STON2: variants seen among roughly 807,000 people sequenced by gnomAD.
STON2 encodes stonin 2.
STON2 carries 29 observed loss-of-function variants against 65.7 expected under a neutral mutation model. The observed-to-expected ratio is 0.44, with a 90% CI of 0.33 to 0.60. STON2 has a LOEUF of 0.60. STON2 is among the 20% of genes least tolerant of loss of function. The pLI, the probability that STON2 is intolerant of heterozygous loss-of-function variation, is 0.03. For synonymous variants in STON2, 404 were observed against 414.2 expected (o/e 0.98, Z 0.30); for missense variants, 1,054 against 1,118.1 (o/e 0.94, Z 0.82).
Position 81,278,278 on chromosome 14 carries a change from T to C in STON2, c.1204A>G (p.Ser402Gly), listed in dbSNP as rs745402567. 6.2e-7 allele frequency: 1 copy of C among 1,614,138 alleles called. No homozygotes were observed. The change falls in exon 6 of 8, where the codon AGT becomes GGT. Residue 402 changes from serine to glycine, a missense_variant. Transcript: ENST00000614646. ...FEEQERRSQN[S>G]SISSTTGKSQ... The stretch of plus-strand genomic sequence containing the variant: ...TTGCCCGTGGTACTGGAAATGGAAC[T>C]GTTTTGGGAGCGCCTCTCCTGCTCC...
intron 4 of STON2, among the ~76,000 whole-genome samples, chr14:81,366,146 G>C (rs963786213): frequency 1.3e-5 from 2 of 152,190 alleles, no homozygotes; most frequent in African/African-American, 4.8e-5. Context: ...CGCACCCTGT[G>C]ATTTAACCAA....
At chr14:81,339,270 C>T (rs1897498772) in intron 4 of STON2, among the ~76,000 whole-genome samples, 1 of 152,140 alleles carries the variant, frequency 6.6e-6, no homozygotes, top group Non-Finnish European at 1.5e-5. Flanking sequence ...CAAACTGAGG[C>T]TAGGAAAGGT....
intron 4 of STON2, among the ~76,000 whole-genome samples, chr14:81,347,384 A>G (rs2140306522): frequency 6.6e-6 from 1 of 152,260 alleles, no homozygotes; most frequent in Non-Finnish European, 1.5e-5. Flanking sequence ...AGGAAGAAAT[A>G]GAAAATCTGA....
intron 5 of STON2, among the ~76,000 whole-genome samples, chr14:81,321,019 T>C (rs2140241052): frequency 6.6e-6 from 1 of 152,292 alleles, no homozygotes; most frequent in South Asian, 2.1e-4. Flanking sequence ...ACCTCCCTTC[T>C]TTACCCACCC....
chr14:81,266,634 T>C lies in STON2; in HGVS notation c.*1780A>G, dbSNP rs1894367683. 1.0e-6 allele frequency: 1 copy of C among 975,622 alleles called. No individual in the cohort carries two copies. Among genetic ancestry groups the C allele is most frequent in the Non-Finnish European group, 1.2e-6 (1 of 821,026 alleles). 60.4% of individuals were successfully genotyped at this position (975,622 alleles called of 1,614,324 possible). A position where few individuals can be genotyped will look rare whatever the true frequency, so the allele number is the denominator to read the frequency against. On this transcript the variant is annotated 3_prime_UTR_variant, in exon 8 of 8. Transcript: ENST00000614646. ...ACCCTCCATTTAGATATGGACTAGA[T>C]GGAGGGTTAATAAAAGCATGTAAGG...
chr14:81,318,098 TAGGA>T (rs1463704078), intron 5 of STON2, among the ~76,000 whole-genome samples: 3 of 152,112 alleles, frequency 2.0e-5, no homozygotes, highest in African/African-American at 7.2e-5. Flanking sequence ...CCCGAGTAGC[TAGGA>T]TTACAGGCGT....
Position 81,265,125 on chromosome 14 carries a change from C to G in STON2, c.*3289G>C. The stretch of plus-strand genomic sequence containing the variant: ...AGGTCCAGGGTTGCAAAAGTAGAAT[C>G]TGCATATCCACAGGTAATTTGCCCA... On this transcript the variant is annotated 3_prime_UTR_variant, in exon 8 of 8. Coordinates refer to ENST00000614646, the MANE Select transcript of STON2 (RefSeq NM_001394390.1). 1 of 984,580 alleles carries G rather than the reference C, an allele frequency of 1.0e-6. No individual in the cohort carries two copies. Among genetic ancestry groups the G allele is most frequent in the Non-Finnish European group, 1.2e-6 (1 of 829,814 alleles). The allele number at this position is 984,580 out of a possible 1,614,324, so 61.0% of individuals were successfully genotyped here. A position where few individuals can be genotyped will look rare whatever the true frequency, so the allele number is the denominator to read the frequency against.
Position 81,363,087 on chromosome 14 carries a change from G to A in STON2, c.571+7901C>T, listed in dbSNP as rs891348683. On this transcript the variant is annotated intron_variant, in intron 4 of 7. Transcript: ENST00000614646. Reference sequence around the variant, plus strand: ...AGCCTCCCACAGTATACCAGGCACAGGGCAGGGTGAGCCCAGGAAAGAGAC... The same window carrying A: ...AGCCTCCCACAGTATACCAGGCACAAGGCAGGGTGAGCCCAGGAAAGAGAC... 2.0e-5 allele frequency among the ~76,000 whole-genome samples: 3 copies of A among 152,212 alleles called. No homozygotes were observed. The East Asian group carries it at 5.8e-4, about 29-fold the overall frequency.
At chr14:81,335,761 A>C (rs1340259844) in intron 4 of STON2, among the ~76,000 whole-genome samples, 1 of 152,194 alleles carries the variant, frequency 6.6e-6, no homozygotes, top group Non-Finnish European at 1.5e-5. Flanking sequence ...TAATTGAAGA[A>C]AGTCATTCAA....
intron 4 of STON2, among the ~76,000 whole-genome samples, chr14:81,336,171 G>A (rs1261979676): frequency 1.3e-5 from 2 of 152,172 alleles, no homozygotes; most frequent in African/African-American, 4.8e-5. Context: ...TTGGCACGCC[G>A]TACAATAGCT....
intron 5 of STON2, among the ~76,000 whole-genome samples, chr14:81,302,410 C>T (rs781165263): frequency 2.6e-5 from 4 of 152,168 alleles, no homozygotes; most frequent in Non-Finnish European, 5.9e-5. Context: ...ATATAGATAA[C>T]GAAATAGGCT....
At chr14:81,372,285 G>A (rs964999389) in intron 3 of STON2, among the ~76,000 whole-genome samples, 28 of 152,134 alleles carry the variant, frequency 1.8e-4, no homozygotes, top group African/African-American at 6.8e-4. Context: ...CGGGCACGGT[G>A]GCTCACGCCT....
chr14:81,360,951 A>G (rs545558535), intron 4 of STON2, among the ~76,000 whole-genome samples: 1 of 152,220 alleles, frequency 6.6e-6, no homozygotes, highest in Non-Finnish European at 1.5e-5. Context: ...ACATTTAACC[A>G]AAGAGGTGAA....
chr14:81,262,431 TTTACTA>T lies in STON2; in HGVS notation c.*5977_*5982del, dbSNP rs67102484. On this transcript the variant is annotated 3_prime_UTR_variant, in exon 8 of 8. Transcript: ENST00000614646. ...GAATTAATCCTGCCATCTATCCCTT[TTTACTA>T]TGCAATCTTTATTTTTCCTGGAGCT... 103,204 of 984,332 alleles carry T rather than the reference TTTACTA, an allele frequency of 0.1. 5,609 individuals are homozygous for T. Among genetic ancestry groups the T allele is most frequent in the African/African-American group, 0.14 (7,943 of 57,286 alleles). The allele number at this position is 984,332 out of a possible 1,614,324, so 61.0% of individuals were successfully genotyped here.
rs765160147 is a variant in STON2, at chr14:81,277,680, G to A, written c.1802C>T (p.Ala601Val). 1 of 1,614,158 alleles carries A rather than the reference G, an allele frequency of 6.2e-7. No homozygotes were observed. The highest frequency in any genetic ancestry group is 1.1e-5 in the South Asian group (1 of 91,072). The change falls in exon 6 of 8, where the codon GCA becomes GTA. Residue 601 changes from alanine (A) to valine (V), a missense_variant. By Grantham distance (64) the Ala-to-Val change is moderately conservative (BLOSUM62 0). Transcript: ENST00000614646. Reference sequence around the variant, plus strand: ...CAGATCCATGAGACGGTCCTGAACTGCATGGATGAAACTCAGGAAGTCATC... The same window carrying A: ...CAGATCCATGAGACGGTCCTGAACTACATGGATGAAACTCAGGAAGTCATC... ...NYDDFLSFIH[A>V]VQDRLMDLPV... is the part of the protein sequence containing the mutation.
At chr14:81,356,846 G>A (rs1291146809) in intron 4 of STON2, among the ~76,000 whole-genome samples, 1 of 151,898 alleles carries the variant, frequency 6.6e-6, no homozygotes, top group Non-Finnish European at 1.5e-5. Flanking sequence ...TATGGGATCG[G>A]TAGTGATATC....
At chr14:81,292,951 G>A (rs975097979) in intron 5 of STON2, among the ~76,000 whole-genome samples, 2 of 152,150 alleles carry the variant, frequency 1.3e-5, no homozygotes, top group Non-Finnish European at 2.9e-5. Context: ...ACTGATCTGG[G>A]TTACAACTTC....
chr14:81,428,548 C>T lies in STON2; in HGVS notation c.-309-1336G>A, dbSNP rs565467465. Among the ~76,000 whole-genome samples, 69 of 151,930 alleles carry T rather than the reference C, an allele frequency of 4.5e-4. 1 individual carries two copies. Among genetic ancestry groups the T allele is most frequent in the South Asian group, 1.0e-3 (5 of 4,818 alleles). On this transcript the variant is annotated intron_variant, in intron 1 of 8. Coordinates refer to the STON2 transcript ENST00000553821. The stretch of plus-strand genomic sequence containing the variant: ...GACTAGCCAGGCCAACATGGCGAAA[C>T]CCCGTCTCTACTGAAAACACAAAAA...
chr14:81,422,991 C>T (rs111414876), intron 2 of STON2, among the ~76,000 whole-genome samples: 5,947 of 151,234 alleles, frequency 0.039, 152 homozygotes, highest in South Asian at 0.074. Context: ...GCCAAGATGG[C>T]ACCACCGCAC....
Sources: allele counts gnomAD v4.1 joint callset (sites outside exome capture counted in the v4.1 genomes callset), GRCh38; gene constraint gnomAD v4.1.1; transcripts MANE v1.5; gene names NCBI Gene and HGNC (gene_info 2026-07-23, HGNC 2026-07-21).